Variants in SPECC1L observed in about 807,000 individuals in gnomAD.
SPECC1L encodes the protein sperm antigen with calponin homology and coiled-coil domains 1 like, also known as cytospin-A.
SPECC1L carries 40 observed loss-of-function variants against 116.8 expected under a neutral mutation model. The ratio of observed to expected loss-of-function variants is 0.34; its 90% CI spans 0.27 to 0.45. The LOEUF (loss-of-function observed/expected upper bound fraction) is 0.45, where lower values mean the gene tolerates loss of function less well. Ranked by LOEUF, SPECC1L falls within the 20% of genes least tolerant of loss-of-function variation. The pLI is 1.00. For missense variants in SPECC1L, 1,110 were observed against 1,373.6 expected (o/e 0.81, Z 3.03); for synonymous variants, 504 against 500.6 (o/e 1.01, Z -0.09).
At chr22:24,376,272 A>G (rs917904630) in intron 14 of SPECC1L, among the ~76,000 whole-genome samples, 1 of 152,198 alleles carries the variant, frequency 6.6e-6, no homozygotes, top group Non-Finnish European at 1.5e-5. Context: ...TGGTCCTCCC[A>G]CTTCCAACAT....
At chr22:24,282,778 ATTT>A (rs373825517) in intron 2 of SPECC1L, among the ~76,000 whole-genome samples, 1 of 140,800 alleles carries the variant, frequency 7.1e-6, no homozygotes. Flanking sequence ...TGAGTTTTGA[ATTT>A]TTTTTTTTTT....
intron 2 of SPECC1L, among the ~76,000 whole-genome samples, chr22:24,281,085 G>C (rs1219027550): frequency 6.6e-6 from 1 of 152,172 alleles, no homozygotes; most frequent in Non-Finnish European, 1.5e-5. Context: ...ACTTAAGGTA[G>C]TATGTAAGAG....
intron 4 of SPECC1L, among the ~76,000 whole-genome samples, chr22:24,316,735 C>A (rs796670170): frequency 1.3e-5 from 2 of 149,790 alleles, no homozygotes; most frequent in Admixed American, 6.6e-5. Context: ...ACCTTTCCCC[C>A]CTTTCTATTC....
chr22:24,408,822 A>G (rs566386571), intron 14 of SPECC1L, among the ~76,000 whole-genome samples: 1 of 152,386 alleles, frequency 6.6e-6, no homozygotes, highest in East Asian at 1.9e-4. Context: ...GAAGCCAGAC[A>G]ATACATTCTG....
intron 11 of SPECC1L, among the ~76,000 whole-genome samples, chr22:24,347,721 G>T (rs764581338): frequency 6.6e-6 from 1 of 152,012 alleles, no homozygotes; most frequent in Non-Finnish European, 1.5e-5. Flanking sequence ...TGTCTCCCAG[G>T]CTGGAGTGTA....
At chr22:24,286,833 T>C (rs968437801) in intron 2 of SPECC1L, among the ~76,000 whole-genome samples, 1 of 152,150 alleles carries the variant, frequency 6.6e-6, no homozygotes, top group African/African-American at 2.4e-5. Context: ...ATTTGAACCC[T>C]GCAGGCAGAG....
intron 3 of SPECC1L, among the ~76,000 whole-genome samples, chr22:24,311,394 T>C (rs916928698): frequency 5.9e-5 from 9 of 152,236 alleles, no homozygotes; most frequent in African/African-American, 1.7e-4. Flanking sequence ...GTTTACTTAC[T>C]GGCTATTTAC....
chr22:24,370,480 C>G (rs780998727), intron 14 of SPECC1L, among the ~76,000 whole-genome samples: 13 of 152,142 alleles, frequency 8.5e-5, no homozygotes, highest in Non-Finnish European at 1.5e-5. Flanking sequence ...TGGAGGGGAC[C>G]TATAAAATGT....
chr22:24,305,520 A>T (rs1021232707), intron 3 of SPECC1L, among the ~76,000 whole-genome samples: 1 of 152,196 alleles, frequency 6.6e-6, no homozygotes, highest in South Asian at 2.1e-4. Flanking sequence ...TTAGTAATCC[A>T]TGGGATGAAT....
At chr22:24,401,860 G>A (rs1005922630) in intron 14 of SPECC1L, among the ~76,000 whole-genome samples, 4 of 152,160 alleles carry the variant, frequency 2.6e-5, no homozygotes, top group Admixed American at 1.3e-4. Context: ...TGGGGCAAGC[G>A]TAGGAAAACC....
Position 24,321,608 on chromosome 22 carries a change from C to T in SPECC1L, c.628C>T (p.Arg210Cys). 3.1e-6 allele frequency: 5 copies of T among 1,614,176 alleles called. No homozygotes were observed. The highest frequency in any genetic ancestry group is 4.2e-6 in the Non-Finnish European group (5 of 1,180,032). The change falls in exon 5 of 17, where the codon CGT becomes TGT. Residue 210 changes from arginine to cysteine, a missense_variant. Coordinates refer to ENST00000314328, the MANE Select transcript of SPECC1L (RefSeq NM_015330.6). ...LHLRNELRDMRAQLGINEDHS... is the reference protein window; with the variant it reads ...LHLRNELRDMCAQLGINEDHS... ...TTTGAGAAATGAACTGCGAGACATG[C>T]GTGCCCAGCTGGGCATTAATGAGGA...
chr22:24,301,255 TAAAC>T (rs1463791904), intron 2 of SPECC1L, among the ~76,000 whole-genome samples: 5 of 152,114 alleles, frequency 3.3e-5, no homozygotes, highest in African/African-American at 1.2e-4. Context: ...ACAAGTAACT[TAAAC>T]AAATTTACAA....
chr22:24,292,669 A>G (rs1023785967), intron 2 of SPECC1L, among the ~76,000 whole-genome samples: 4 of 152,070 alleles, frequency 2.6e-5, no homozygotes, highest in Non-Finnish European at 4.4e-5. Context: ...TTGGTGTGTC[A>G]CATAGCCTTA....
At chr22:24,339,563 G>A (rs1028934753) in intron 10 of SPECC1L, among the ~76,000 whole-genome samples, 5 of 152,312 alleles carry the variant, frequency 3.3e-5, no homozygotes, top group African/African-American at 4.8e-5. Context: ...TAGTTGAGGC[G>A]GAGTATTTCC....
intron 2 of SPECC1L, among the ~76,000 whole-genome samples, chr22:24,282,115 G>A (rs189755367): frequency 3.9e-4 from 59 of 152,294 alleles, no homozygotes; most frequent in Non-Finnish European, 6.5e-4. Context: ...CTGGGTGGGG[G>A]CCACAAGATC....
chr22:24,324,488 T>C, intron 6 of SPECC1L, 61 bp downstream of exon 6: 1 of 1,461,732 alleles, frequency 6.8e-7, no homozygotes, highest in Non-Finnish European at 9.5e-7. Context: ...CGGGGATAAT[T>C]TGCATTTAGT....
intron 11 of SPECC1L, among the ~76,000 whole-genome samples, chr22:24,355,883 G>A (rs1396780849): frequency 2.0e-5 from 3 of 150,362 alleles, no homozygotes; most frequent in Non-Finnish European, 3.0e-5. Flanking sequence ...CAGTTTTGTG[G>A]GTTTTGACAA....
chr22:24,283,372 C>T (rs1211464519), intron 2 of SPECC1L, among the ~76,000 whole-genome samples: 1 of 152,256 alleles, frequency 6.6e-6, no homozygotes, highest in Admixed American at 6.5e-5. Flanking sequence ...GCCACCGCGC[C>T]CAGCCTGCCT....
chr22:24,372,942 T>G (rs1028873370), intron 14 of SPECC1L, among the ~76,000 whole-genome samples: 1 of 152,156 alleles, frequency 6.6e-6, no homozygotes, highest in African/African-American at 2.4e-5. Flanking sequence ...GGATACAAAA[T>G]CAATGTGCAA....
Sources: allele counts gnomAD v4.1 joint callset (sites outside exome capture counted in the v4.1 genomes callset), GRCh38; gene constraint gnomAD v4.1.1; transcripts MANE v1.5; gene names NCBI Gene and HGNC (gene_info 2026-07-23, HGNC 2026-07-21).